Variants in KDELR3 observed in about 807,000 individuals in gnomAD.
KDELR3 encodes KDEL endoplasmic reticulum protein retention receptor 3, also known as ER lumen protein-retaining receptor 3.
KDELR3 carries 26 observed loss-of-function variants against 22.7 expected under a neutral mutation model. The ratio of observed to expected loss-of-function variants is 1.15; its 90% CI spans 0.84 to 1.59. The LOEUF is 1.59. Ranked by LOEUF, KDELR3 falls within the 40% of genes most tolerant of loss-of-function variation. The pLI, the probability that KDELR3 is intolerant of heterozygous loss-of-function variation, is 0.00. For missense variants in KDELR3, 289 were observed against 251.1 expected (o/e 1.15, Z -1.02); for synonymous variants, 120 against 98.2 (o/e 1.22, Z -1.31).
rs746401102 is a variant in KDELR3, at chr22:38,481,462, AAGGT to A, written c.604+3_604+6del. 7 of 1,614,070 alleles carry A rather than the reference AAGGT, an allele frequency of 4.3e-6. No individual in the cohort carries two copies. The African/African-American group carries it at 6.7e-5, about 15-fold the overall frequency. On this transcript the variant is annotated splice_donor_variant and coding_sequence_variant, in exon 4 of 5. Transcript: ENST00000216014. LOFTEE classifies it high-confidence loss of function. ...GACTTCTTCTACTTGTATGTGACCA[AAGGT>A]AGGTCCTGGGATGACAGCAATGCTG...
intron 2 of KDELR3, among the ~76,000 whole-genome samples, chr22:38,476,727 T>C (rs2089561411): frequency 1.3e-5 from 2 of 152,030 alleles, no homozygotes; most frequent in South Asian, 4.2e-4. Context: ...GGTTTCACTA[T>C]GTTGGCCAGG....
intron 1 of KDELR3, 180 bp from the exon 2 acceptor site, chr22:38,474,343 T>C (rs2145965036): frequency 3.6e-6 from 2 of 560,242 alleles, no homozygotes; most frequent in Non-Finnish European, 6.4e-6. Flanking sequence ...ACGACTCAAG[T>C]GATCCGATGG....
chr22:38,474,372 C>G, intron 1 of KDELR3, 151 bp from the exon 2 acceptor site: 1 of 597,738 alleles, frequency 1.7e-6, no homozygotes, highest in Non-Finnish European at 3.0e-6. Flanking sequence ...AGTTTCCTGG[C>G]CCTTAGGGAG....
intron 4 of KDELR3, 49 bp downstream of exon 4, chr22:38,481,513 C>T (rs376833955): frequency 1.9e-6 from 3 of 1,611,818 alleles, no homozygotes; most frequent in Admixed American, 3.3e-5. Flanking sequence ...AGGAGTTACT[C>T]ATCCATTTAA....
chr22:38,469,348 T>G (rs2089509339), intron 1 of KDELR3, among the ~76,000 whole-genome samples: 1 of 151,932 alleles, frequency 6.6e-6, no homozygotes, highest in South Asian at 2.1e-4. Flanking sequence ...GCCAGGGAGT[T>G]GGGTCTGGGG....
chr22:38,482,140 A>C (rs2145674865), intron 4 of KDELR3, among the ~76,000 whole-genome samples: 1 of 152,348 alleles, frequency 6.6e-6, no homozygotes, highest in East Asian at 1.9e-4. Context: ...AAGCAGTCCA[A>C]GTACAGTGAC....
At chr22:38,479,498 A>G in intron 2 of KDELR3, 95 bp from the exon 3 acceptor site, 1 of 1,165,818 alleles carries the variant, frequency 8.6e-7, no homozygotes, top group East Asian at 2.4e-5. Context: ...ATTATGGCAG[A>G]ACACTGACCC....
At position 38,468,102 on chromosome 22, in the gene KDELR3, G is replaced by C; in HGVS notation, c.-132G>C. Reference sequence around the variant, plus strand: ...TGGGCGGCGGCGCGCGGGTGCGATCGCGGAGCTGTGAGGCGCAGGCAGGGC... The same window carrying C: ...TGGGCGGCGGCGCGCGGGTGCGATCCCGGAGCTGTGAGGCGCAGGCAGGGC... On this transcript the variant is annotated 5_prime_UTR_variant, in exon 1 of 5. Transcript: ENST00000216014. The C allele has an allele frequency of 1.3e-6, 1 of 748,226 alleles. No individual in the cohort carries two copies. Among genetic ancestry groups the C allele is most frequent in the Non-Finnish European group, 2.2e-6 (1 of 451,462 alleles). The allele number at this position is 748,226 out of a possible 1,614,324, so 46.3% of individuals were successfully genotyped here. A position where few individuals can be genotyped will look rare whatever the true frequency, so the allele number is the denominator to read the frequency against.
At chr22:38,471,940 G>A (rs2145963127) in intron 1 of KDELR3, among the ~76,000 whole-genome samples, 2 of 152,054 alleles carry the variant, frequency 1.3e-5, no homozygotes, top group South Asian at 4.2e-4. Flanking sequence ...CTCCAGCCTG[G>A]GTGACAGAGT....
intron 2 of KDELR3, among the ~76,000 whole-genome samples, chr22:38,476,032 G>A (rs1011014272): frequency 2.0e-5 from 3 of 151,734 alleles, no homozygotes; most frequent in East Asian, 1.9e-4. Context: ...CGGGCTGAAG[G>A]GGTCCTCCCA....
chr22:38,470,676 A>G (rs2089519311), intron 1 of KDELR3, among the ~76,000 whole-genome samples: 1 of 151,944 alleles, frequency 6.6e-6, no homozygotes, highest in Admixed American at 6.6e-5. Flanking sequence ...GTGTTTTCCC[A>G]TTTGTCAAAT....
At chr22:38,480,857 GGAGTTT>G (rs1046237875) in intron 3 of KDELR3, among the ~76,000 whole-genome samples, 4 of 151,954 alleles carry the variant, frequency 2.6e-5, no homozygotes, top group Non-Finnish European at 4.4e-5. Context: ...CTTGAGCCCA[GGAGTTT>G]GAGACTGCAG....
chr22:38,468,224 T>G lies in KDELR3; in HGVS notation c.-10T>G. 1 of 1,613,460 alleles carries G rather than the reference T, an allele frequency of 6.2e-7. No individual in the cohort carries two copies. Among genetic ancestry groups the G allele is most frequent in the Non-Finnish European group, 8.5e-7 (1 of 1,179,714 alleles). Reference sequence around the variant, plus strand: ...TGCTGGGCGCGGGCGCACGACTGACTGGCTGGACCATGAACGTGTTCCGAA... The same window carrying G: ...TGCTGGGCGCGGGCGCACGACTGACGGGCTGGACCATGAACGTGTTCCGAA... On this transcript the variant is annotated 5_prime_UTR_variant, in exon 1 of 5. Coordinates refer to ENST00000216014, the MANE Select transcript of KDELR3 (RefSeq NM_006855.4).
intron 1 of KDELR3, among the ~76,000 whole-genome samples, chr22:38,469,627 G>C (rs2089511903): frequency 6.6e-6 from 1 of 152,106 alleles, no homozygotes; most frequent in Non-Finnish European, 1.5e-5. Flanking sequence ...ACCCGGAGCA[G>C]CAGGCCCTGG....
chr22:38,482,220 A>G (rs2089608482), intron 4 of KDELR3, among the ~76,000 whole-genome samples: 1 of 152,220 alleles, frequency 6.6e-6, no homozygotes. Context: ...CACAAGTTCT[A>G]GGACTTGAGA....
At chr22:38,468,938 C>A (rs1303967355) in intron 1 of KDELR3, among the ~76,000 whole-genome samples, 1 of 152,226 alleles carries the variant, frequency 6.6e-6, no homozygotes, top group African/African-American at 2.4e-5. Flanking sequence ...GGAGGCTGGA[C>A]TCGCGGTCGC....
intron 1 of KDELR3, among the ~76,000 whole-genome samples, chr22:38,469,533 T>C (rs1569130401): frequency 6.6e-6 from 1 of 152,120 alleles, no homozygotes; most frequent in Non-Finnish European, 1.5e-5. Flanking sequence ...GGAGGCCATT[T>C]GGGTTTGGGG....
At chr22:38,476,437 C>G (rs2089558311) in intron 2 of KDELR3, among the ~76,000 whole-genome samples, 1 of 152,152 alleles carries the variant, frequency 6.6e-6, no homozygotes, top group African/African-American at 2.4e-5. Flanking sequence ...CCAGGATGGT[C>G]TCGATCTCCT....
At position 38,481,349 on chromosome 22, in the gene KDELR3, G is replaced by A. The variant is rs147633229; in HGVS notation, c.489G>A (p.Leu163=). 1.1e-5 allele frequency: 17 copies of A among 1,614,050 alleles called. No individual in the cohort carries two copies. The highest frequency in any genetic ancestry group is 2.7e-5 in the African/African-American group (2 of 74,922). ...FFLGLYRALY[L]ANWIRRYQTE... ...TGGGTCTGTACCGGGCACTCTACCT[G>A]GCTAACTGGATCAGGCGGTACCAGA... Residue 163 remains leucine (L), a synonymous_variant, in exon 4 of 5, where the codon CTG becomes CTA. Coordinates refer to ENST00000216014, the MANE Select transcript of KDELR3 (RefSeq NM_006855.4).
Sources: allele counts gnomAD v4.1 joint callset (sites outside exome capture counted in the v4.1 genomes callset), GRCh38; gene constraint gnomAD v4.1.1; transcripts MANE v1.5; gene names NCBI Gene and HGNC (gene_info 2026-07-23, HGNC 2026-07-21).